KCNQ4: variants seen among roughly 807,000 people sequenced by gnomAD.
KCNQ4 encodes potassium voltage-gated channel subfamily KQT member 4.
A neutral mutation model predicts 72.6 loss-of-function variants in KCNQ4; 31 were observed. The observed-to-expected ratio is 0.43, with a 90% CI of 0.32 to 0.58. The LOEUF (loss-of-function observed/expected upper bound fraction) is 0.58. Ranked by LOEUF, KCNQ4 falls within the 20% of genes least tolerant of loss-of-function variation. The pLI is 0.08. For synonymous variants in KCNQ4, 405 were observed against 403.7 expected (o/e 1.00, Z -0.04); for missense variants, 869 against 962.6 (o/e 0.90, Z 1.29).
chr1:40,826,971 T>C (rs1648497967), intron 9 of KCNQ4, among the ~76,000 whole-genome samples: 1 of 152,234 alleles, frequency 6.6e-6, no homozygotes, highest in Non-Finnish European at 1.5e-5. Flanking sequence ...GCTTCCCTTC[T>C]TGGACCTCAG....
chr1:40,813,136 G>A (rs534586845), intron 1 of KCNQ4, among the ~76,000 whole-genome samples: 60 of 152,342 alleles, frequency 3.9e-4, no homozygotes, highest in African/African-American at 1.3e-3. Context: ...AGTGAAGAAG[G>A]TCAAGTTTGG....
rs876657840 is a variant in KCNQ4, at chr1:40,820,162, T to A, written c.946-3T>A. 8.7e-6 allele frequency: 14 copies of A among 1,604,714 alleles called. No individual in the cohort carries two copies. Among genetic ancestry groups the A allele is most frequent in the Non-Finnish European group, 1.2e-5 (14 of 1,175,574 alleles). On this transcript the variant is annotated splice_region_variant and splice_polypyrimidine_tract_variant and intron_variant, in intron 6 of 13. Transcript: ENST00000347132. ...TTCCCCCAACCATGCCCTATCCCTC[T>A]AGGGCATCCTAGGCTCCGGCTTTGC...
intron 7 of KCNQ4, among the ~76,000 whole-genome samples, chr1:40,820,629 C>T (rs1467614925): frequency 1.3e-5 from 2 of 152,268 alleles, no homozygotes; most frequent in Admixed American, 1.3e-4. Flanking sequence ...GCCCCACTTC[C>T]AGCACCTTCA....
intron 1 of KCNQ4, among the ~76,000 whole-genome samples, chr1:40,792,989 T>C (rs112206949): frequency 0.049 from 7,185 of 147,086 alleles, 602 homozygotes; most frequent in African/African-American, 0.17. Context: ...CTTCTTTCTT[T>C]TCTTTTCTTT....
At position 40,794,840 on chromosome 1, in the gene KCNQ4, C is replaced by T. The variant is rs562618994; in HGVS notation, c.314+10433C>T. ...AGTCTGGGCGCCATCCCGGCTCCTC[C>T]CCACTGAGCTGTGGAGCCAGAAGAG... On this transcript the variant is annotated intron_variant, in intron 1 of 13. Transcript: ENST00000347132. This position sits in a 1 kb window ranked among gnomAD's most constrained non-coding sequence, Gnocchi z 4.2. 1.3e-5 allele frequency among the ~76,000 whole-genome samples: 2 copies of T among 152,266 alleles called. No individual in the cohort carries two copies. The highest frequency in any genetic ancestry group is 2.1e-4 in the South Asian group (1 of 4,822).
At chr1:40,819,291 CA>C in intron 4 of KCNQ4, 55 bp from the exon 5 acceptor site, 1 of 1,609,556 alleles carries the variant, frequency 6.2e-7, no homozygotes, top group South Asian at 1.1e-5. Flanking sequence ...GGAAGCCCCC[CA>C]CATCTCCCAG....
Position 40,788,724 on chromosome 1 carries a change from C to T in KCNQ4, c.314+4317C>T, listed in dbSNP as rs564972968. On this transcript the variant is annotated intron_variant, in intron 1 of 13. Coordinates refer to ENST00000347132, the MANE Select transcript of KCNQ4 (RefSeq NM_004700.4). The surrounding 1 kb of genome is among the most constrained non-coding windows in gnomAD (Gnocchi z 4.5). ...TCCTGTGTCATCTGTCCGTCCATCC[C>T]AGCACCCCGCACACAGTCAGCAGGG... 1.3e-5 allele frequency among the ~76,000 whole-genome samples: 2 copies of T among 152,320 alleles called. No homozygotes were observed. Among genetic ancestry groups the T allele is most frequent in the South Asian group, 2.1e-4 (1 of 4,828 alleles).
intron 1 of KCNQ4, among the ~76,000 whole-genome samples, chr1:40,797,428 A>T (rs968043893): frequency 6.6e-6 from 1 of 152,244 alleles, no homozygotes; most frequent in Non-Finnish European, 1.5e-5. Context: ...AACAGCAAGA[A>T]GTCAGAAGAG....
intron 1 of KCNQ4, among the ~76,000 whole-genome samples, chr1:40,796,640 G>A (rs945853755): frequency 6.6e-6 from 1 of 152,174 alleles, no homozygotes; most frequent in Non-Finnish European, 1.5e-5. Context: ...TCCTGGGCCG[G>A]GCGCTGTGGC....
At position 40,818,677 on chromosome 1, in the gene KCNQ4, C is replaced by T. The variant is rs1396768374; in HGVS notation, c.705C>T (p.Ser235=). The T allele has an allele frequency of 1.1e-5, 17 of 1,599,360 alleles. No homozygotes were observed. Among genetic ancestry groups the T allele is most frequent in the Non-Finnish European group, 1.4e-5 (17 of 1,176,528 alleles). ...KLLGSVVYAH[S]KELITAWYIG... is the part of the protein sequence containing the mutation. ...TGGGCTCAGTGGTCTACGCGCATAG[C>T]AAGGTGAGGCCTGCAAGCCGCGCGC... Residue 235 remains serine (S), a synonymous_variant, in exon 4 of 14, where the codon AGC becomes AGT. Transcript: ENST00000347132.
At chr1:40,798,700 A>G (rs759396698) in intron 1 of KCNQ4, among the ~76,000 whole-genome samples, 1 of 152,202 alleles carries the variant, frequency 6.6e-6, no homozygotes, top group African/African-American at 2.4e-5. Flanking sequence ...TGGTGTCTCA[A>G]CGAGACCCAT....
chr1:40,788,742 C>G lies in KCNQ4; in HGVS notation c.314+4335C>G. 6.6e-6 allele frequency among the ~76,000 whole-genome samples: 1 copy of G among 152,210 alleles called. No homozygotes were observed. The highest frequency in any genetic ancestry group is 2.4e-5 in the African/African-American group (1 of 41,464). On this transcript the variant is annotated intron_variant, in intron 1 of 13. Transcript: ENST00000347132. This position sits in a 1 kb window ranked among gnomAD's most constrained non-coding sequence, Gnocchi z 4.5. ...TCCATCCCAGCACCCCGCACACAGTCAGCAGGGGGTGGGCAGTGATGGCAT... is the reference window on the plus strand; with the variant it reads ...TCCATCCCAGCACCCCGCACACAGTGAGCAGGGGGTGGGCAGTGATGGCAT...
intron 13 of KCNQ4, among the ~76,000 whole-genome samples, chr1:40,838,082 C>G (rs1218660535): frequency 6.6e-6 from 1 of 152,048 alleles, no homozygotes; most frequent in Non-Finnish European, 1.5e-5. Context: ...GTCGCTGTAG[C>G]TCGCGGACTA....
chr1:40,784,530 C>A lies in KCNQ4; in HGVS notation c.314+123C>A. On this transcript the variant is annotated intron_variant, in intron 1 of 13. Coordinates refer to ENST00000347132, the MANE Select transcript of KCNQ4 (RefSeq NM_004700.4). The surrounding 1 kb of genome is among the most constrained non-coding windows in gnomAD (Gnocchi z 4.1). ...CCTCAGGGCCGACCCTCATCTCTCT[C>A]CCCCCAGGCCTAAGCCCGGTTTCTG... 2 of 904,786 alleles carry A rather than the reference C, an allele frequency of 2.2e-6. No individual in the cohort carries two copies. The highest frequency in any genetic ancestry group is 1.9e-5 in the Admixed American group (1 of 51,508). 56.0% of individuals were successfully genotyped at this position (904,786 alleles called of 1,614,324 possible).
chr1:40,815,238 CAAAAA>C (rs59957166), intron 1 of KCNQ4, among the ~76,000 whole-genome samples: 1 of 128,976 alleles, frequency 7.8e-6, no homozygotes, highest in Admixed American at 8.0e-5. Context: ...GACTCCATCT[CAAAAA>C]AAAAAAAAAG....
chr1:40,831,025 T>G (rs1648626624), intron 9 of KCNQ4, 59 bp from the exon 10 acceptor site: 1 of 1,385,688 alleles, frequency 7.2e-7, no homozygotes, highest in Non-Finnish European at 1.0e-6. Flanking sequence ...TTGTCCCCAC[T>G]CACCCCCACC....
Position 40,836,510 on chromosome 1 carries a change from C to T in KCNQ4, c.1746-1155C>T, listed in dbSNP as rs141944343. The stretch of plus-strand genomic sequence containing the variant: ...CAGGATGGAGATGAAGATTTGGTGT[C>T]GAAAGTGTAGAGGAATTGAAAATTA... On this transcript the variant is annotated intron_variant, in intron 12 of 13. Coordinates refer to ENST00000347132, the MANE Select transcript of KCNQ4 (RefSeq NM_004700.4). Among the ~76,000 whole-genome samples the T allele has an allele frequency of 3.9e-5, 6 of 152,054 alleles. No individual in the cohort carries two copies. In the East Asian group the frequency reaches 5.8e-4, roughly 15 times the overall value.
In KCNQ4 at chr1:40,840,338, A is replaced by G. The variant is rs1280737099; in HGVS notation, c.*1815A>G. On this transcript the variant is annotated 3_prime_UTR_variant, in exon 14 of 14. Coordinates refer to ENST00000347132, the MANE Select transcript of KCNQ4 (RefSeq NM_004700.4). ...CCTATGACCAAGGAGACATGGGAAG[A>G]AGCCCTCCTTCCTTCCACGATCGAG... 6.6e-6 allele frequency: 1 copy of G among 152,214 alleles called. No homozygotes were observed. Among genetic ancestry groups the G allele is most frequent in the Non-Finnish European group, 1.5e-5 (1 of 68,036 alleles). The allele number at this position is 152,214 out of a possible 1,614,324, so 9.4% of individuals were successfully genotyped here. A position where few individuals can be genotyped will look rare whatever the true frequency, so the allele number is the denominator to read the frequency against.
intron 1 of KCNQ4, among the ~76,000 whole-genome samples, chr1:40,808,768 C>T (rs926921711): frequency 6.6e-6 from 1 of 152,028 alleles, no homozygotes; most frequent in African/African-American, 2.4e-5. Flanking sequence ...TCTGTCTCCC[C>T]GCATCTTCAA....
Sources: gnomAD v4.1 joint callset for allele counts (sites outside exome capture counted in the v4.1 genomes callset) on GRCh38, gnomAD v4.1.1 for gene constraint, Gnocchi (gnomAD v3.1) non-coding constraint, MANE v1.5 for transcripts, NCBI Gene and HGNC (gene_info 2026-07-23, HGNC 2026-07-21) for gene names.